Variants in KSR2 observed in about 807,000 individuals in gnomAD.
KSR2 encodes kinase suppressor of ras 2.
Under a neutral mutation model 107.8 loss-of-function variants are expected in KSR2, and 25 were observed. The observed-to-expected ratio is 0.23, with a 90% confidence interval of 0.17 to 0.32. KSR2 has a LOEUF of 0.32. Ranked by LOEUF, KSR2 falls within the 10% of genes least tolerant of loss-of-function variation. The pLI, the probability that KSR2 is intolerant of heterozygous loss-of-function variation, is 1.00. For missense variants in KSR2, 887 were observed against 1,268.9 expected (o/e 0.70, Z 4.57); for synonymous variants, 480 against 507.0 (o/e 0.95, Z 0.71).
At position 117,483,763 on chromosome 12, in the gene KSR2, T is replaced by A. The variant is rs562080365; in HGVS notation, c.2450+653A>T. ...GGTGATACTGGGAGGTATATGCAAA[T>A]TAATACTAATTGCTACAACTCAGCA... On this transcript the variant is annotated intron_variant, in intron 16 of 19. Transcript: ENST00000339824. Among the ~76,000 whole-genome samples the A allele has an allele frequency of 5.3e-5, 8 of 152,306 alleles. No homozygotes were observed. The East Asian group carries it at 1.5e-3, about 29-fold the overall frequency.
chr12:117,949,177 C>CA (rs1353881727), intron 1 of KSR2, among the ~76,000 whole-genome samples: 2 of 151,218 alleles, frequency 1.3e-5, no homozygotes, highest in African/African-American at 2.4e-5. Flanking sequence ...CAACCTAATA[C>CA]AAAAAAATGA....
chr12:117,601,374 A>T (rs1490709420), intron 5 of KSR2, among the ~76,000 whole-genome samples: 1 of 151,726 alleles, frequency 6.6e-6, no homozygotes, highest in Non-Finnish European at 1.5e-5. Flanking sequence ...TCCAGATGTG[A>T]CTTTATTTGG....
At chr12:117,788,973 T>C (rs527943235) in intron 3 of KSR2, among the ~76,000 whole-genome samples, 97 of 152,336 alleles carry the variant, frequency 6.4e-4, no homozygotes, top group African/African-American at 2.3e-3. Flanking sequence ...AAAACAACGT[T>C]AGGCTCCACC....
At chr12:117,606,298 C>T (rs1881225405) in intron 5 of KSR2, among the ~76,000 whole-genome samples, 1 of 139,984 alleles carries the variant, frequency 7.1e-6, no homozygotes, top group South Asian at 2.5e-4. Context: ...CTTCCCTTCC[C>T]TTTCTTCTTC....
At chr12:117,476,362 G>T in intron 17 of KSR2, 102 bp downstream of exon 17, 2 of 1,392,338 alleles carry the variant, frequency 1.4e-6, no homozygotes, top group Non-Finnish European at 1.9e-6. Flanking sequence ...CTTTGGCCCT[G>T]TAGACAGGTA....
At chr12:117,632,647 C>T (rs1882863831) in intron 5 of KSR2, among the ~76,000 whole-genome samples, 1 of 152,092 alleles carries the variant, frequency 6.6e-6, no homozygotes, top group Non-Finnish European at 1.5e-5. Context: ...AGGCAATAAG[C>T]ATAGTACCTG....
chr12:117,776,044 T>C (rs1017227340), intron 3 of KSR2, among the ~76,000 whole-genome samples: 1 of 152,026 alleles, frequency 6.6e-6, no homozygotes, highest in East Asian at 1.9e-4. Flanking sequence ...AAAGAACTTA[T>C]GTAACCAAGT....
At chr12:117,896,579 C>T (rs1405717359) in intron 1 of KSR2, among the ~76,000 whole-genome samples, 2 of 151,962 alleles carry the variant, frequency 1.3e-5, no homozygotes, top group African/African-American at 4.8e-5. Context: ...CCTGCCTCAG[C>T]CTCCCAAGTA....
chr12:117,701,149 G>A (rs926596250), intron 4 of KSR2, among the ~76,000 whole-genome samples: 2 of 152,156 alleles, frequency 1.3e-5, no homozygotes, highest in Non-Finnish European at 2.9e-5. Context: ...GTGCAATGGT[G>A]CGATCTAGGC....
rs913952726 is a variant in KSR2 at position 117,453,958 on chromosome 12, G to C, written c.*13241C>G. ...CCTAAGAGACCTCTGCCTTGTAGAC[G>C]GGGGGAGGGGGTGTCCTTATGACAC... On this transcript the variant is annotated 3_prime_UTR_variant, in exon 20 of 20. Coordinates refer to ENST00000339824, the MANE Select transcript of KSR2 (RefSeq NM_173598.6). The C allele has an allele frequency of 6.6e-6, 1 of 152,018 alleles. No homozygotes were observed. Among genetic ancestry groups the C allele is most frequent in the Non-Finnish European group, 1.5e-5 (1 of 67,990 alleles). 9.4% of individuals were successfully genotyped at this position (152,018 alleles called of 1,614,324 possible). A position where few individuals can be genotyped will look rare whatever the true frequency, so the allele number is the denominator to read the frequency against.
At chr12:117,479,545 C>T (rs1872025233) in intron 16 of KSR2, among the ~76,000 whole-genome samples, 2 of 152,280 alleles carry the variant, frequency 1.3e-5, no homozygotes, top group South Asian at 2.1e-4. Flanking sequence ...CGTTAGCACC[C>T]CCCTCCCCCT....
At chr12:117,909,241 C>A (rs1894946052) in intron 1 of KSR2, among the ~76,000 whole-genome samples, 1 of 152,142 alleles carries the variant, frequency 6.6e-6, no homozygotes, top group Admixed American at 6.5e-5. Context: ...GCTCTTCAGC[C>A]TGACTAAAAT....
Position 117,869,110 on chromosome 12 carries a change from G to A in KSR2, c.181-8679C>T, listed in dbSNP as rs1001407721. Among the ~76,000 whole-genome samples the A allele has an allele frequency of 9.3e-5, 14 of 150,980 alleles. No individual in the cohort carries two copies. The East Asian group carries it at 2.0e-3, about 22-fold the overall frequency. On this transcript the variant is annotated intron_variant, in intron 1 of 19. Coordinates refer to ENST00000339824, the MANE Select transcript of KSR2 (RefSeq NM_173598.6). ...TTTCAGGCCAGGCGCGGTGGCTCACGCCTGTAATCCCAGCACTTTGGGAGG... is the reference window on the plus strand; with the variant it reads ...TTTCAGGCCAGGCGCGGTGGCTCACACCTGTAATCCCAGCACTTTGGGAGG...
intron 1 of KSR2, among the ~76,000 whole-genome samples, chr12:117,953,654 G>C (rs1364117165): frequency 2.6e-5 from 4 of 152,178 alleles, no homozygotes; most frequent in African/African-American, 9.7e-5. Flanking sequence ...TGGGCCAGGG[G>C]ATGGGAGTAC....
At position 117,605,217 on chromosome 12, in the gene KSR2, A is replaced by G. The variant is rs1158862057; in HGVS notation, c.1172-22858T>C. 2.6e-5 allele frequency among the ~76,000 whole-genome samples: 4 copies of G among 152,096 alleles called. No individual in the cohort carries two copies. The East Asian group carries it at 7.7e-4, about 29-fold the overall frequency. On this transcript the variant is annotated intron_variant, in intron 5 of 19. Coordinates refer to ENST00000339824, the MANE Select transcript of KSR2 (RefSeq NM_173598.6). ...GATATGGGCATCCTGAGTTTAAATG[A>G]GTGTGGCTGTGACCAGCTCATTGGC...
intron 3 of KSR2, among the ~76,000 whole-genome samples, chr12:117,768,542 G>A (rs1404560830): frequency 1.3e-5 from 2 of 152,186 alleles, no homozygotes; most frequent in Non-Finnish European, 2.9e-5. Flanking sequence ...CTGTGTGTAG[G>A]GAAGCTGAGC....
intron 5 of KSR2, among the ~76,000 whole-genome samples, chr12:117,637,786 A>C (rs1593078076): frequency 6.7e-6 from 1 of 148,852 alleles, no homozygotes; most frequent in East Asian, 2.1e-4. Context: ...GGTTCAAGCA[A>C]TTCTCCTGCC....
intron 3 of KSR2, among the ~76,000 whole-genome samples, chr12:117,793,457 GCA>G (rs1413788106): frequency 7.4e-6 from 1 of 134,484 alleles, no homozygotes; most frequent in African/African-American, 2.9e-5. Flanking sequence ...AAACCAACAT[GCA>G]CACATACACC....
chr12:117,957,748 T>TAAACACAC (rs1896554080), intron 1 of KSR2, among the ~76,000 whole-genome samples: 1 of 148,014 alleles, frequency 6.8e-6, no homozygotes, highest in Non-Finnish European at 1.5e-5. Flanking sequence ...AATTGTGAGT[T>TAAACACAC]ACACACACAC....
Sources: gnomAD v4.1 joint callset for allele counts (sites outside exome capture counted in the v4.1 genomes callset) on GRCh38, gnomAD v4.1.1 for gene constraint, MANE v1.5 for transcripts, NCBI Gene and HGNC (gene_info 2026-07-23, HGNC 2026-07-21) for gene names.